CXCL13: variants seen among roughly 807,000 people sequenced by gnomAD.
CXCL13 encodes the protein C-X-C motif chemokine 13.
CXCL13 carries 7 observed loss-of-function variants against 12.2 expected under a neutral mutation model. The observed-to-expected ratio is 0.57, with a 90% CI of 0.33 to 1.07. The LOEUF is 1.07. Among genes scored for constraint, CXCL13 ranks in the 50% least tolerant of loss-of-function variants. The probability of loss-of-function intolerance (pLI) is 0.04; values close to 1 mark genes in which losing one functional copy is unlikely to be tolerated. For synonymous variants in CXCL13, 47 were observed against 42.4 expected (o/e 1.11, Z -0.42); for missense variants, 113 against 127.4 (o/e 0.89, Z 0.55).
upstream of CXCL13, among the ~76,000 whole-genome samples, chr4:77,603,305 C>A (rs185041913): frequency 1.0e-3 from 152 of 152,198 alleles, no homozygotes; most frequent in Middle Eastern, 0.024. Context: ...AATGTTATTG[C>A]CTACCAACTC....
At chr4:77,557,846 A>G (rs1725695748) in intron 1 of CXCL13, among the ~76,000 whole-genome samples, 1 of 152,200 alleles carries the variant, frequency 6.6e-6, no homozygotes. Flanking sequence ...CCAGCCTTAC[A>G]CAGCATACTC....
intron 1 of CXCL13, among the ~76,000 whole-genome samples, chr4:77,533,601 C>A (rs182095785): frequency 6.6e-6 from 1 of 152,310 alleles, no homozygotes; most frequent in African/African-American, 2.4e-5. Flanking sequence ...GATTCTGCTG[C>A]CTTTTGTTTG....
Position 77,611,215 on chromosome 4 carries a change from A to G in CXCL13, c.*176A>G, listed in dbSNP as rs1005905690. ...GGGGCAAACTCAAGCTTCTTCACTCACAGCACCCTATATACACTTGGAGTT... is the reference window on the plus strand; with the variant it reads ...GGGGCAAACTCAAGCTTCTTCACTCGCAGCACCCTATATACACTTGGAGTT... On this transcript the variant is annotated 3_prime_UTR_variant, in exon 4 of 4. Transcript: ENST00000682537. The G allele has an allele frequency of 3.5e-6, 2 of 578,952 alleles. No homozygotes were observed. Among genetic ancestry groups the G allele is most frequent in the Admixed American group, 3.0e-5 (1 of 33,040 alleles). The allele number at this position is 578,952 out of a possible 1,614,324, so 35.9% of individuals were successfully genotyped here.
chr4:77,535,241 A>G (rs368676646), intron 1 of CXCL13, among the ~76,000 whole-genome samples: 1 of 152,188 alleles, frequency 6.6e-6, no homozygotes, highest in Non-Finnish European at 1.5e-5. Flanking sequence ...ATATTCAATC[A>G]TTCATTCATT....
chr4:77,577,552 T>C (rs992918524), intron 1 of CXCL13, among the ~76,000 whole-genome samples: 2 of 152,184 alleles, frequency 1.3e-5, no homozygotes, highest in Admixed American at 6.5e-5. Context: ...CTAGTATCCA[T>C]GGCATAAATG....
At chr4:77,513,414 C>T (rs1362498805) in intron 1 of CXCL13, among the ~76,000 whole-genome samples, 2 of 152,056 alleles carry the variant, frequency 1.3e-5, no homozygotes, top group African/African-American at 2.4e-5. Context: ...TAAAAGCATT[C>T]CTATTTCTCC....
intron 1 of CXCL13, among the ~76,000 whole-genome samples, chr4:77,581,911 G>C (rs1459037342): frequency 6.6e-6 from 1 of 152,070 alleles, no homozygotes; most frequent in African/African-American, 2.4e-5. Context: ...CGTTGAACTG[G>C]TTGCAATTTT....
Position 77,513,296 on chromosome 4 carries a change from C to A in CXCL13, c.-43+1508C>A, listed in dbSNP as rs368507152. 2.0e-5 allele frequency among the ~76,000 whole-genome samples: 3 copies of A among 152,240 alleles called. No homozygotes were observed. The East Asian group carries it at 5.8e-4, about 29-fold the overall frequency. ...ATTTATAATCCTTTGGGCATATACC[C>A]AGTGATGGGATCGCTGGGTCTAATG... On this transcript the variant is annotated intron_variant, in intron 1 of 4. Coordinates refer to the CXCL13 transcript ENST00000286758.
At chr4:77,551,178 T>C (rs532084155) in intron 1 of CXCL13, among the ~76,000 whole-genome samples, 1 of 152,332 alleles carries the variant, frequency 6.6e-6, no homozygotes, top group South Asian at 2.1e-4. Flanking sequence ...GTTAGCTCGT[T>C]GCTTTGTAGT....
intron 1 of CXCL13, among the ~76,000 whole-genome samples, chr4:77,553,101 G>C (rs550051216): frequency 4.8e-4 from 73 of 152,276 alleles, no homozygotes; most frequent in Non-Finnish European, 7.4e-4. Flanking sequence ...TAGCAGATTG[G>C]TGTACCCAGC....
At chr4:77,601,028 T>C (rs565436139), upstream of CXCL13, among the ~76,000 whole-genome samples, 8 of 152,270 alleles carry the variant, frequency 5.3e-5, no homozygotes, top group African/African-American at 1.9e-4. Flanking sequence ...GGACAGACCT[T>C]TTCCTTCCCG....
intron 1 of CXCL13, among the ~76,000 whole-genome samples, chr4:77,574,756 G>A (rs888605230): frequency 1.3e-5 from 2 of 151,874 alleles, no homozygotes; most frequent in African/African-American, 4.9e-5. Context: ...TGTGTAGTTA[G>A]ATATCCGTTG....
At chr4:77,602,231 T>A (rs1726893697), upstream of CXCL13, among the ~76,000 whole-genome samples, 1 of 152,216 alleles carries the variant, frequency 6.6e-6, no homozygotes, top group Non-Finnish European at 1.5e-5. Context: ...TTTTGATATC[T>A]TGAGAGAGAG....
At chr4:77,607,963 C>A in intron 2 of CXCL13, 128 bp downstream of exon 2, 3 of 953,094 alleles carry the variant, frequency 3.1e-6, no homozygotes, top group South Asian at 1.7e-5. Context: ...AATTCTCAAA[C>A]TAATAATGAA....
chr4:77,545,750 G>T (rs1284312321), intron 1 of CXCL13, among the ~76,000 whole-genome samples: 1 of 152,048 alleles, frequency 6.6e-6, no homozygotes, highest in Non-Finnish European at 1.5e-5. Context: ...TCTTTCTCCT[G>T]CCTGATTGCC....
intron 1 of CXCL13, among the ~76,000 whole-genome samples, chr4:77,525,637 A>G (rs1274672327): frequency 6.6e-6 from 1 of 152,134 alleles, no homozygotes; most frequent in African/African-American, 2.4e-5. Flanking sequence ...AGAAAAGTGA[A>G]CACAGAATTG....
intron 1 of CXCL13, among the ~76,000 whole-genome samples, chr4:77,515,283 G>A (rs559641431): frequency 9.9e-4 from 150 of 152,208 alleles, no homozygotes; most frequent in African/African-American, 2.5e-3. Context: ...TTGACATGGC[G>A]ATGTGGGCTC....
At chr4:77,600,721 G>T (rs928140078) in intron 1 of CXCL13, among the ~76,000 whole-genome samples, 1 of 152,172 alleles carries the variant, frequency 6.6e-6, no homozygotes, top group Non-Finnish European at 1.5e-5. Context: ...AATCACAGAA[G>T]GTACAAGCCC....
At chr4:77,595,098 ATTTT>A (rs58429511) in intron 1 of CXCL13, among the ~76,000 whole-genome samples, 3 of 141,402 alleles carry the variant, frequency 2.1e-5, no homozygotes, top group Non-Finnish European at 3.1e-5. Flanking sequence ...GTTTTAGGTG[ATTTT>A]TTTTTTTTTT....
Sources: gnomAD v4.1 joint callset for allele counts (sites outside exome capture counted in the v4.1 genomes callset) on GRCh38, gnomAD v4.1.1 for gene constraint, MANE v1.5 for transcripts, NCBI Gene and HGNC (gene_info 2026-07-23, HGNC 2026-07-21) for gene names.